CTNNA2: variants seen among roughly 807,000 people sequenced by gnomAD.
CTNNA2 encodes catenin alpha-2.
CTNNA2 carries 42 observed loss-of-function variants against 101.0 expected under a neutral mutation model. The ratio of observed to expected loss-of-function variants is 0.42; its 90% CI spans 0.32 to 0.54. CTNNA2 has a LOEUF of 0.54. Among genes scored for constraint, CTNNA2 ranks in the 20% least tolerant of loss-of-function variants. The probability of loss-of-function intolerance (pLI) is 0.14; values close to 1 mark genes in which losing one functional copy is unlikely to be tolerated. For synonymous variants in CTNNA2, 450 were observed against 456.4 expected, an observed-to-expected ratio of 0.99 and a Z score of 0.18; for missense variants, 871 against 1,223.1, an observed-to-expected ratio of 0.71 and a Z score of 4.29.
chr2:80,287,315 C>G (rs1304917851), intron 7 of CTNNA2, among the ~76,000 whole-genome samples: 1 of 152,110 alleles, frequency 6.6e-6, no homozygotes, highest in Non-Finnish European at 1.5e-5. Context: ...CATCTTCCCC[C>G]CTCCCGTGAT....
chr2:79,210,345 T>C (rs544297434), intron 2 of CTNNA2, among the ~76,000 whole-genome samples: 1 of 152,118 alleles, frequency 6.6e-6, no homozygotes, highest in Non-Finnish European at 1.5e-5. Flanking sequence ...TAAAAGTACA[T>C]ATTAGAATTG....
intron 7 of CTNNA2, among the ~76,000 whole-genome samples, chr2:80,095,348 G>A (rs1200877655): frequency 6.6e-6 from 1 of 152,198 alleles, no homozygotes; most frequent in East Asian, 1.9e-4. Context: ...TCCCAGGGAT[G>A]AAGCCCACTT....
intron 3 of CTNNA2, among the ~76,000 whole-genome samples, chr2:79,745,567 C>T (rs906652192): frequency 6.6e-6 from 1 of 152,132 alleles, no homozygotes; most frequent in African/African-American, 2.4e-5. Context: ...AAACTCTATA[C>T]CCATTAAACT....
At chr2:80,282,107 A>G (rs1558966755) in intron 7 of CTNNA2, among the ~76,000 whole-genome samples, 2 of 152,096 alleles carry the variant, frequency 1.3e-5, no homozygotes, top group South Asian at 2.1e-4. Flanking sequence ...GGAGTCTTCT[A>G]TCAGCTAGTG....
At chr2:80,018,571 T>A (rs938102690) in intron 7 of CTNNA2, among the ~76,000 whole-genome samples, 4 of 152,050 alleles carry the variant, frequency 2.6e-5, no homozygotes, top group Non-Finnish European at 5.9e-5. Context: ...GGTTGGGAAA[T>A]CAAGACCATC....
chr2:80,050,721 G>A (rs1458958604), intron 7 of CTNNA2, among the ~76,000 whole-genome samples: 2 of 152,018 alleles, frequency 1.3e-5, no homozygotes. Context: ...TTATTTTTGA[G>A]GTGGGGTCTC....
intron 2 of CTNNA2, among the ~76,000 whole-genome samples, chr2:79,249,720 A>C (rs7607254): frequency 0.22 from 33,429 of 151,742 alleles, 3,956 homozygotes; most frequent in Admixed American, 0.35. Context: ...ACCTGATTTT[A>C]CTCTCTTTTT....
At chr2:80,506,349 G>T (rs948439433) in intron 9 of CTNNA2, among the ~76,000 whole-genome samples, 1 of 152,162 alleles carries the variant, frequency 6.6e-6, no homozygotes, top group South Asian at 2.1e-4. Flanking sequence ...AGGAAGACCG[G>T]TGAGAAAACA....
At chr2:79,245,176 T>C (rs138131696) in intron 2 of CTNNA2, among the ~76,000 whole-genome samples, 61 of 150,792 alleles carry the variant, frequency 4.0e-4, no homozygotes, top group African/African-American at 1.4e-3. Flanking sequence ...CAAGGCCGGA[T>C]GCAGTGGCTC....
At chr2:79,614,398 T>C (rs1183571301) in intron 1 of CTNNA2, among the ~76,000 whole-genome samples, 1 of 152,168 alleles carries the variant, frequency 6.6e-6, no homozygotes, top group Non-Finnish European at 1.5e-5. Context: ...AAATCTTGTT[T>C]CAATACCTGC....
intron 17 of CTNNA2, chr2:80,618,778 C>T (rs1699059173): frequency 5.1e-6 from 1 of 195,662 alleles, no homozygotes; most frequent in Non-Finnish European, 1.0e-5. Context: ...AGGGGATTCA[C>T]CCCCTTTGAG....
At chr2:79,712,120 TTA>T (rs1326367296) in intron 2 of CTNNA2, among the ~76,000 whole-genome samples, 1 of 152,170 alleles carries the variant, frequency 6.6e-6, no homozygotes, top group East Asian at 1.9e-4. Flanking sequence ...GCTGACTACT[TTA>T]TATGTCATCT....
intron 2 of CTNNA2, among the ~76,000 whole-genome samples, chr2:79,744,018 G>A (rs1216953644): frequency 8.5e-5 from 13 of 152,110 alleles, no homozygotes; most frequent in Admixed American, 8.5e-4. Flanking sequence ...ATACTCAGAG[G>A]TACTTCCATA....
chr2:79,846,662 A>G lies in CTNNA2; in HGVS notation c.299-11351A>G, dbSNP rs993393426. ...ATATGGAACTGCAGCAAATACAAATATCAGAGTTGAGAGACCCAGCTTCTG... is the reference window on the plus strand; with the variant it reads ...ATATGGAACTGCAGCAAATACAAATGTCAGAGTTGAGAGACCCAGCTTCTG... On this transcript the variant is annotated intron_variant, in intron 3 of 18. Transcript: ENST00000402739. Among the ~76,000 whole-genome samples, 15 of 152,360 alleles carry G rather than the reference A, an allele frequency of 9.8e-5. No individual in the cohort carries two copies. In the Middle Eastern group the frequency reaches 0.014, roughly 138 times the overall value.
At chr2:80,091,362 C>T (rs1162951170) in intron 7 of CTNNA2, among the ~76,000 whole-genome samples, 1 of 152,088 alleles carries the variant, frequency 6.6e-6, no homozygotes, top group African/African-American at 2.4e-5. Context: ...TATGAAAAGA[C>T]ATAATTAGTT....
At chr2:79,358,741 A>C (rs184012599) in intron 3 of CTNNA2, among the ~76,000 whole-genome samples, 1 of 152,324 alleles carries the variant, frequency 6.6e-6, no homozygotes, top group Non-Finnish European at 1.5e-5. Context: ...TTTAACTCTA[A>C]ATATCTTCAT....
At chr2:80,640,790 A>G (rs774528026) in intron 18 of CTNNA2, among the ~76,000 whole-genome samples, 5 of 152,120 alleles carry the variant, frequency 3.3e-5, no homozygotes, top group Non-Finnish European at 5.9e-5. Context: ...CTTGCAAGCA[A>G]TATGTGACTC....
chr2:79,507,325 A>T (rs887249413), intron 5 of CTNNA2, among the ~76,000 whole-genome samples: 1 of 152,176 alleles, frequency 6.6e-6, no homozygotes, highest in Non-Finnish European at 1.5e-5. Flanking sequence ...AACAGTGTTG[A>T]GAAGTGGGAA....
chr2:80,015,749 T>C (rs934765603), intron 7 of CTNNA2, among the ~76,000 whole-genome samples: 3 of 152,218 alleles, frequency 2.0e-5, no homozygotes, highest in Non-Finnish European at 4.4e-5. Context: ...GATTTGAAGA[T>C]TGTTAGGCGT....
Sources: allele counts gnomAD v4.1 joint callset (sites outside exome capture counted in the v4.1 genomes callset), GRCh38; gene constraint gnomAD v4.1.1; transcripts MANE v1.5; gene names NCBI Gene and HGNC (gene_info 2026-07-23, HGNC 2026-07-21).